The following BCAS2 variants were observed in gnomAD, a reference collection of about 807,000 sequenced individuals.
The protein encoded by BCAS2 is pre-mRNA-splicing factor SPF27.
In BCAS2, 34 loss-of-function variants were observed where a neutral mutation model predicts 35.3. The ratio of observed to expected loss-of-function variants is 0.96; its 90% CI spans 0.73 to 1.28. The LOEUF (loss-of-function observed/expected upper bound fraction) is 1.28. Among genes scored for constraint, BCAS2 ranks in the 50% most tolerant of loss-of-function variants. The pLI, the probability that BCAS2 is intolerant of heterozygous loss-of-function variation, is 0.00. For missense variants in BCAS2, 221 were observed against 268.1 expected (o/e 0.82, Z 1.23); for synonymous variants, 75 against 91.6 (o/e 0.82, Z 1.03).
intron 4 of BCAS2, among the ~76,000 whole-genome samples, chr1:114,571,891 T>A (rs906687658): frequency 1.3e-5 from 2 of 152,252 alleles, no homozygotes; most frequent in South Asian, 4.1e-4. Flanking sequence ...AAATAAAAAA[T>A]AGATACCAGT....
At chr1:114,574,739 G>A (rs1654719299) in intron 4 of BCAS2, among the ~76,000 whole-genome samples, 1 of 152,214 alleles carries the variant, frequency 6.6e-6, no homozygotes, top group Non-Finnish European at 1.5e-5. Context: ...GGTCCTGTTA[G>A]TACTCTTGAA....
chr1:114,581,213 T>C, intron 2 of BCAS2, 86 bp downstream of exon 2: 1 of 1,348,262 alleles, frequency 7.4e-7, no homozygotes, highest in African/African-American at 1.4e-5. Flanking sequence ...ATGCAGGCAA[T>C]GGTTAAAACT....
At chr1:114,568,869 C>A (rs1179639950) in intron 6 of BCAS2, among the ~76,000 whole-genome samples, 1 of 149,200 alleles carries the variant, frequency 6.7e-6, no homozygotes, top group Non-Finnish European at 1.5e-5. Context: ...CTCAAGCAAT[C>A]CTCCAACCTC....
chr1:114,569,530 G>T (rs1654598696), intron 6 of BCAS2, among the ~76,000 whole-genome samples: 3 of 150,014 alleles, frequency 2.0e-5, no homozygotes, highest in African/African-American at 7.4e-5. Context: ...TAAAGACTAG[G>T]TCTTGCTCTG....
chr1:114,574,212 TGTA>T (rs1654707495), intron 4 of BCAS2, among the ~76,000 whole-genome samples: 1 of 152,212 alleles, frequency 6.6e-6, no homozygotes, highest in Admixed American at 6.5e-5. Flanking sequence ...AATTACTACT[TGTA>T]GTGTTTTGCA....
chr1:114,569,224 T>C (rs1215266687), intron 6 of BCAS2, among the ~76,000 whole-genome samples: 1 of 151,094 alleles, frequency 6.6e-6, no homozygotes, highest in African/African-American at 2.4e-5. Context: ...AAAGAGGCAA[T>C]AGTTTATTAA....
chr1:114,572,144 G>C (rs1654661614), intron 4 of BCAS2, among the ~76,000 whole-genome samples: 1 of 152,024 alleles, frequency 6.6e-6, no homozygotes, highest in Non-Finnish European at 1.5e-5. Flanking sequence ...TTGTTTCCTG[G>C]CTTTTGTGAC....
At chr1:114,570,792 A>T (rs780272103) in intron 4 of BCAS2, 42 bp from the exon 5 acceptor site, 8 of 1,354,872 alleles carry the variant, frequency 5.9e-6, no homozygotes, top group Non-Finnish European at 2.1e-6. Flanking sequence ...ACATTAAAAT[A>T]GTACCAATTA....
chr1:114,568,266 G>A lies in BCAS2; in HGVS notation c.552-10C>T. ...GACCAGGGATACCCAACTAGAATGG[G>A]GGGGAAGAAAAGAAAAAAATTACTC... On this transcript the variant is annotated splice_polypyrimidine_tract_variant and intron_variant, in intron 6 of 6. Coordinates refer to ENST00000369541, the MANE Select transcript of BCAS2 (RefSeq NM_005872.3). 5 of 1,606,486 alleles carry A rather than the reference G, an allele frequency of 3.1e-6. No individual in the cohort carries two copies. Among genetic ancestry groups the A allele is most frequent in the East Asian group, 2.2e-5 (1 of 44,796 alleles).
chr1:114,580,377 ATCCTGGGTGTACT>A (rs1654858162), intron 2 of BCAS2, among the ~76,000 whole-genome samples: 2 of 152,254 alleles, frequency 1.3e-5, no homozygotes, highest in Non-Finnish European at 2.9e-5. Context: ...CCTAACTAGA[ATCCTGGGTGTACT>A]TCAAGGTTAT....
intron 4 of BCAS2, among the ~76,000 whole-genome samples, chr1:114,573,414 T>C (rs1002016307): frequency 6.6e-6 from 1 of 152,064 alleles, no homozygotes; most frequent in African/African-American, 2.4e-5. Context: ...TTGTTTTCTA[T>C]AGAGACAGGG....
intron 3 of BCAS2, 119 bp from the exon 4 acceptor site, chr1:114,575,870 G>T: frequency 9.0e-7 from 1 of 1,111,024 alleles, no homozygotes; most frequent in Non-Finnish European, 1.2e-6. Context: ...GACTAAGGAT[G>T]TAAACCTTGC....
At position 114,577,775 on chromosome 1, in the gene BCAS2, A is replaced by C. The variant is rs1654801677; in HGVS notation, c.187-1017T>G. Among the ~76,000 whole-genome samples, 3 of 152,230 alleles carry C rather than the reference A, an allele frequency of 2.0e-5. No homozygotes were observed. The South Asian group carries it at 6.2e-4, about 31-fold the overall frequency. On this transcript the variant is annotated intron_variant, in intron 2 of 6. Coordinates refer to ENST00000369541, the MANE Select transcript of BCAS2 (RefSeq NM_005872.3). The stretch of plus-strand genomic sequence containing the variant: ...CCCTGAGGATAAAGAACTGCTTAAA[A>C]TATTTCTTTGTAGTAATACTTCGGT...
chr1:114,569,200 A>G (rs1175616413), intron 6 of BCAS2, among the ~76,000 whole-genome samples: 2 of 152,198 alleles, frequency 1.3e-5, no homozygotes, highest in Non-Finnish European at 2.9e-5. Context: ...GATAGTATTT[A>G]ATCAACAAAA....
chr1:114,581,196 A>G (rs1361072583), intron 2 of BCAS2, 103 bp downstream of exon 2: 1 of 1,126,514 alleles, frequency 8.9e-7, no homozygotes, highest in East Asian at 2.3e-5. Context: ...GTAGGTAAGT[A>G]GTAGCTATGC....
chr1:114,573,144 A>C (rs1005366623), intron 4 of BCAS2, among the ~76,000 whole-genome samples: 39 of 134,872 alleles, frequency 2.9e-4, no homozygotes, highest in African/African-American at 9.6e-4. Context: ...AAAAAAAAAA[A>C]AAAAAAACTT....
intron 2 of BCAS2, among the ~76,000 whole-genome samples, chr1:114,578,346 A>C (rs1037650373): frequency 1.3e-5 from 2 of 152,182 alleles, no homozygotes; most frequent in African/African-American, 2.4e-5. Flanking sequence ...AAAAAAAAAA[A>C]CCAGGGCATT....
In BCAS2 at chr1:114,575,167, C is replaced by T. The variant is rs371660075; in HGVS notation, c.419+423G>A. 4.3e-4 allele frequency among the ~76,000 whole-genome samples: 63 copies of T among 146,126 alleles called. No homozygotes were observed. The East Asian group carries it at 4.6e-3, about 11-fold the overall frequency. ...GATTACAGGTGTAAACCACCGCGCC[C>T]GGCTTTTCTTTTTCTTTTCTTTTTT... is the stretch of plus-strand genomic sequence containing the variant. On this transcript the variant is annotated intron_variant, in intron 4 of 6. Coordinates refer to ENST00000369541, the MANE Select transcript of BCAS2 (RefSeq NM_005872.3).
At chr1:114,574,190 T>C (rs1056877117) in intron 4 of BCAS2, among the ~76,000 whole-genome samples, 1 of 152,240 alleles carries the variant, frequency 6.6e-6, no homozygotes, top group Admixed American at 6.5e-5. Context: ...TCAAATTTAT[T>C]TGTAATCCCA....
Sources: allele counts gnomAD v4.1 joint callset (sites outside exome capture counted in the v4.1 genomes callset), GRCh38; gene constraint gnomAD v4.1.1; transcripts MANE v1.5; gene names NCBI Gene and HGNC (gene_info 2026-07-23, HGNC 2026-07-21).